Variants in SLC12A8 observed in about 807,000 individuals in gnomAD.
SLC12A8 encodes the protein cation-chloride cotransporter 9.
In SLC12A8, 69 loss-of-function variants were observed where a neutral mutation model predicts 75.6. The ratio of observed to expected loss-of-function variants is 0.91; its 90% CI spans 0.75 to 1.11. SLC12A8 has a LOEUF of 1.11. SLC12A8 is among the 50% of genes most tolerant of loss of function. The probability of loss-of-function intolerance (pLI) is 0.00; values close to 1 mark genes in which losing one functional copy is unlikely to be tolerated. For missense variants in SLC12A8, 877 were observed against 896.7 expected (o/e 0.98, Z 0.28); for synonymous variants, 365 against 372.8 (o/e 0.98, Z 0.24).
At chr3:125,096,148 A>G (rs1158708680) in intron 10 of SLC12A8, among the ~76,000 whole-genome samples, 2 of 152,076 alleles carry the variant, frequency 1.3e-5, no homozygotes, top group African/African-American at 4.8e-5. Flanking sequence ...ACTTTTTTAC[A>G]TGCCAGGTCC....
At chr3:125,164,832 C>T (rs762576083) in intron 5 of SLC12A8, among the ~76,000 whole-genome samples, 11 of 152,254 alleles carry the variant, frequency 7.2e-5, no homozygotes, top group Non-Finnish European at 1.6e-4. Flanking sequence ...GGGCCCACCC[C>T]AGAGTGCTGA....
At chr3:125,170,586 A>G (rs1272469626) in intron 5 of SLC12A8, among the ~76,000 whole-genome samples, 1 of 152,246 alleles carries the variant, frequency 6.6e-6, no homozygotes, top group African/African-American at 2.4e-5. Context: ...GTTTATGTAC[A>G]TGCACATGTG....
intron 5 of SLC12A8, among the ~76,000 whole-genome samples, chr3:125,168,538 G>C (rs187821664): frequency 6.6e-6 from 1 of 152,212 alleles, no homozygotes; most frequent in Admixed American, 6.5e-5. Flanking sequence ...AAACAGTGAC[G>C]TGATAGCAGA....
At chr3:125,176,800 G>A (rs1934539120) in intron 5 of SLC12A8, among the ~76,000 whole-genome samples, 2 of 144,206 alleles carry the variant, frequency 1.4e-5, no homozygotes, top group Non-Finnish European at 1.5e-5. Context: ...AGTTAGAATG[G>A]CAATCATTAA....
chr3:125,122,047 A>C (rs1933073741), intron 6 of SLC12A8, among the ~76,000 whole-genome samples: 1 of 152,222 alleles, frequency 6.6e-6, no homozygotes, highest in African/African-American at 2.4e-5. Flanking sequence ...TGGTTAAATA[A>C]GTGATGATAT....
chr3:125,154,015 T>C (rs1933992940), intron 5 of SLC12A8, among the ~76,000 whole-genome samples: 2 of 152,320 alleles, frequency 1.3e-5, no homozygotes, highest in South Asian at 4.2e-4. Context: ...CCCAAAGTGC[T>C]GGGACTGCAG....
chr3:125,147,145 A>G (rs533920083), intron 5 of SLC12A8, among the ~76,000 whole-genome samples: 1 of 152,362 alleles, frequency 6.6e-6, no homozygotes, highest in Admixed American at 6.5e-5. Flanking sequence ...CCGCAAAATC[A>G]AGGGCGCTGT....
At position 125,107,897 on chromosome 3, in the gene SLC12A8, G is replaced by C; in HGVS notation, c.1289C>G (p.Ser430Cys). 1 of 1,614,196 alleles carries C rather than the reference G, an allele frequency of 6.2e-7. No homozygotes were observed. The highest frequency in any genetic ancestry group is 2.2e-5 in the East Asian group (1 of 44,878). ...LREGAEGLHC[S>C]EHLLLEKAPS... The stretch of plus-strand genomic sequence containing the variant: ...AGCTTTCTCTAAGAGCAGGTGCTCA[G>C]AGCAGTGGAGGCCTTCTGCGCCCTC... The change falls in exon 10 of 14, where the codon TCT becomes TGT. Residue 430 changes from serine (S) to cysteine (C), a missense_variant. Ser to Cys is a moderately radical substitution (Grantham distance 112). Coordinates refer to ENST00000469902, the MANE Select transcript of SLC12A8 (RefSeq NM_024628.6).
chr3:125,130,487 G>A lies in SLC12A8; in HGVS notation c.736+5182C>T, dbSNP rs547018462. On this transcript the variant is annotated intron_variant, in intron 6 of 13. Coordinates refer to ENST00000469902, the MANE Select transcript of SLC12A8 (RefSeq NM_024628.6). Reference sequence around the variant, plus strand: ...TGCTGTTGTAATCCCAGCTACTCAGGAAGCTGAAGCACGAGAATCTCTTCA... The same window carrying A: ...TGCTGTTGTAATCCCAGCTACTCAGAAAGCTGAAGCACGAGAATCTCTTCA... Among the ~76,000 whole-genome samples, 347 of 152,128 alleles carry A rather than the reference G, an allele frequency of 2.3e-3. 3 individuals are homozygous for A. The highest frequency in any genetic ancestry group is 8.1e-3 in the African/African-American group (337 of 41,492).
intron 6 of SLC12A8, among the ~76,000 whole-genome samples, chr3:125,130,704 C>T (rs1002705666): frequency 4.6e-5 from 7 of 152,332 alleles, no homozygotes; most frequent in South Asian, 2.1e-4. Flanking sequence ...CTCTGGGCTA[C>T]TGGGTGGCAC....
intron 4 of SLC12A8, among the ~76,000 whole-genome samples, chr3:125,185,312 C>T (rs1357208959): frequency 6.7e-6 from 1 of 149,348 alleles, no homozygotes; most frequent in Non-Finnish European, 1.5e-5. Flanking sequence ...AAGAGCAAAA[C>T]GGCGTCTCAA....
In SLC12A8 at chr3:125,110,278, A is replaced by C; in HGVS notation, c.970T>G (p.Cys324Gly). Reference sequence around the variant, plus strand: ...GGAGCTCCATAAAGTCCTCCCATGCAGGAAGCCAGGGACGAGATGTATAAG... The same window carrying C: ...GGAGCTCCATAAAGTCCTCCCATGCCGGAAGCCAGGGACGAGATGTATAAG... ...LGLYISSLAS[C>G]MGGLYGAPRI... Residue 324 changes from cysteine to glycine, a missense_variant, in exon 9 of 14, where the codon TGC becomes GGC. Cys to Gly is a radical substitution (Grantham distance 159). Coordinates refer to ENST00000469902, the MANE Select transcript of SLC12A8 (RefSeq NM_024628.6). 6.2e-7 allele frequency: 1 copy of C among 1,614,056 alleles called. No individual in the cohort carries two copies.
chr3:125,112,649 C>T (rs532727460), intron 8 of SLC12A8, among the ~76,000 whole-genome samples: 1 of 152,328 alleles, frequency 6.6e-6, no homozygotes, highest in South Asian at 2.1e-4. Flanking sequence ...TCAATCCATT[C>T]TGAGATGTGA....
In SLC12A8 at chr3:125,104,780, C is replaced by T. The variant is rs139462918; in HGVS notation, c.1705+2701G>A. On this transcript the variant is annotated intron_variant, in intron 10 of 13. Transcript: ENST00000469902. ...GTTGGAATGGGACTTTTGAGGAAGCCTCCTCCAAATGACTCAGTTTAGAGG... is the reference window on the plus strand; with the variant it reads ...GTTGGAATGGGACTTTTGAGGAAGCTTCCTCCAAATGACTCAGTTTAGAGG... Among the ~76,000 whole-genome samples, 196 of 152,282 alleles carry T rather than the reference C, an allele frequency of 1.3e-3. 1 individual carries two copies. Among genetic ancestry groups the T allele is most frequent in the Non-Finnish European group, 8.5e-4 (58 of 68,014 alleles).
At chr3:125,110,487 C>T (rs1255064779) in intron 8 of SLC12A8, 152 bp from the exon 9 acceptor site, 6 of 637,902 alleles carry the variant, frequency 9.4e-6, no homozygotes, top group Non-Finnish European at 1.3e-5. Flanking sequence ...CCCAGCCTCG[C>T]CCCCATTCAT....
intron 6 of SLC12A8, among the ~76,000 whole-genome samples, chr3:125,130,180 A>C (rs1933316868): frequency 6.6e-6 from 1 of 152,202 alleles, no homozygotes; most frequent in Admixed American, 6.5e-5. Flanking sequence ...ACAGAAAATA[A>C]ATCTTGACTC....
rs1305054139 is a variant in SLC12A8 at position 125,198,911 on chromosome 3, G to A, written c.52-8390C>T. On this transcript the variant is annotated intron_variant, in intron 2 of 13. Transcript: ENST00000469902. ...CCCTGCCTCAGCCTCCCCAGTAGCTGAGACTACAGGCACCCGCCACCACGC... is the reference window on the plus strand; with the variant it reads ...CCCTGCCTCAGCCTCCCCAGTAGCTAAGACTACAGGCACCCGCCACCACGC... Among the ~76,000 whole-genome samples the A allele has an allele frequency of 4.4e-4, 67 of 151,684 alleles. 2 individuals carry two copies. The highest frequency in any genetic ancestry group is 4.3e-3 in the Admixed American group (66 of 15,226).
chr3:125,142,379 C>G (rs1417971848), intron 5 of SLC12A8, among the ~76,000 whole-genome samples: 3 of 152,216 alleles, frequency 2.0e-5, no homozygotes, highest in African/African-American at 7.2e-5. Flanking sequence ...CTTCTGGGAG[C>G]TGCAAAGGGT....
At chr3:125,202,365 C>G (rs550820824) in intron 2 of SLC12A8, among the ~76,000 whole-genome samples, 40 of 152,302 alleles carry the variant, frequency 2.6e-4, no homozygotes, top group African/African-American at 9.4e-4. Flanking sequence ...GTTACTCTCC[C>G]CTACAGGAAG....
Sources: allele counts gnomAD v4.1 joint callset (sites outside exome capture counted in the v4.1 genomes callset), GRCh38; gene constraint gnomAD v4.1.1; transcripts MANE v1.5; gene names NCBI Gene and HGNC (gene_info 2026-07-23, HGNC 2026-07-21).